Variants in INSIG2 observed in about 807,000 individuals in gnomAD.
The protein encoded by INSIG2 is insulin-induced gene 2 protein.
In INSIG2, 10 loss-of-function variants were observed where a neutral mutation model predicts 27.2. That is an observed-to-expected ratio of 0.37 (90% CI 0.23 to 0.62). INSIG2 has a LOEUF of 0.62. Among genes scored for constraint, INSIG2 ranks in the 20% least tolerant of loss-of-function variants. The pLI is 0.65. For synonymous variants in INSIG2, 97 were observed against 95.8 expected, an observed-to-expected ratio of 1.01 and a Z score of -0.07; for missense variants, 178 against 270.2, an observed-to-expected ratio of 0.66 and a Z score of 2.39.
At chr2:118,107,008 AGAGTAGTTTAT>A in intron 4 of INSIG2, 71 bp from the exon 5 acceptor site, 1 of 1,462,600 alleles carries the variant, frequency 6.8e-7, no homozygotes, top group Non-Finnish European at 9.5e-7. Flanking sequence ...TTTAATCTAC[AGAGTAGTTTAT>A]TTTCATTGTA....
In INSIG2 at chr2:118,110,940, G is replaced by C. The variant is rs1048481130; in HGVS notation, c.*2618G>C. The stretch of plus-strand genomic sequence containing the variant: ...ATGATGCATATGTTTCATACATCTT[G>C]TATTTTCCAGGTAGAAGTCAGACTT... On this transcript the variant is annotated 3_prime_UTR_variant, in exon 6 of 6. Transcript: ENST00000245787. 6.6e-6 allele frequency: 1 copy of C among 152,142 alleles called. No homozygotes were observed. The highest frequency in any genetic ancestry group is 1.5e-5 in the Non-Finnish European group (1 of 68,018). The allele number at this position is 152,142 out of a possible 1,614,324, so 9.4% of individuals were successfully genotyped here.
chr2:118,095,218 G>C (rs1264773317), intron 1 of INSIG2, among the ~76,000 whole-genome samples: 1 of 152,194 alleles, frequency 6.6e-6, no homozygotes, highest in African/African-American at 2.4e-5. Flanking sequence ...AAGTGCCAAA[G>C]ATATATTGTT....
In INSIG2 at chr2:118,088,509, G is replaced by C. The variant is rs1332870763; in HGVS notation, c.-171G>C. The C allele has an allele frequency of 6.5e-6, 1 of 152,820 alleles. No individual in the cohort carries two copies. The highest frequency in any genetic ancestry group is 1.5e-5 in the Non-Finnish European group (1 of 68,506). The allele number at this position is 152,820 out of a possible 1,614,324, so 9.5% of individuals were successfully genotyped here. ...AGGAGGAAGAGGCGGTAGGGGGTACGGGGGCTGGTCCCAGAAGATGGCGGA... is the reference window on the plus strand; with the variant it reads ...AGGAGGAAGAGGCGGTAGGGGGTACCGGGGCTGGTCCCAGAAGATGGCGGA... On this transcript the variant is annotated 5_prime_UTR_variant, in exon 1 of 6. Transcript: ENST00000245787.
At chr2:118,102,550 T>C (rs1170064734) in intron 2 of INSIG2, 1 of 152,358 alleles carries the variant, frequency 6.6e-6, no homozygotes, top group African/African-American at 2.4e-5. Context: ...AGATTTCTGT[T>C]GTGAGTTTTC....
chr2:118,100,358 ATCTTAC>A (rs1425338202), intron 2 of INSIG2, among the ~76,000 whole-genome samples: 2 of 134,830 alleles, frequency 1.5e-5, no homozygotes, highest in Non-Finnish European at 3.1e-5. Context: ...TTGGAATCGT[ATCTTAC>A]TCTTTTGCCT....
intron 2 of INSIG2, 48 bp from the exon 3 acceptor site, chr2:118,103,149 C>G (rs1228482835): frequency 1.9e-6 from 3 of 1,552,618 alleles, no homozygotes; most frequent in Admixed American, 1.7e-5. Flanking sequence ...TTAAGTGTTG[C>G]CAGTACAACA....
intron 2 of INSIG2, among the ~76,000 whole-genome samples, chr2:118,099,338 A>C (rs2161829): frequency 6.6e-6 from 1 of 151,950 alleles, no homozygotes; most frequent in Non-Finnish European, 1.5e-5. Flanking sequence ...TGTGTGTAGA[A>C]AGTGCTCCTT....
intron 3 of INSIG2, among the ~76,000 whole-genome samples, chr2:118,104,766 G>C (rs1305453102): frequency 2.0e-5 from 3 of 152,192 alleles, no homozygotes; most frequent in African/African-American, 7.2e-5. Flanking sequence ...AACTGTGTCA[G>C]TTCCTCTCTG....
At chr2:118,107,621 GACATTC>G (rs1252335792) in intron 5 of INSIG2, among the ~76,000 whole-genome samples, 2 of 152,186 alleles carry the variant, frequency 1.3e-5, no homozygotes, top group Non-Finnish European at 2.9e-5. Flanking sequence ...GCTAGGGAGT[GACATTC>G]AGAGGCCACA....
At chr2:118,100,373 CTTTTTTT>C (rs70949913) in intron 2 of INSIG2, among the ~76,000 whole-genome samples, 1 of 81,502 alleles carries the variant, frequency 1.2e-5, no homozygotes, top group Non-Finnish European at 2.1e-5. Context: ...ACTCTTTTGC[CTTTTTTT>C]TTTTTTTTTT....
chr2:118,103,380 G>T (rs1256077845), intron 3 of INSIG2, 59 bp downstream of exon 3: 1 of 1,480,840 alleles, frequency 6.8e-7, no homozygotes, highest in Non-Finnish European at 9.3e-7. Context: ...CAAACCAAAG[G>T]TTAAACAGCC....
intron 1 of INSIG2, among the ~76,000 whole-genome samples, chr2:118,089,564 T>G (rs1308128413): frequency 6.6e-6 from 1 of 152,122 alleles, no homozygotes; most frequent in Non-Finnish European, 1.5e-5. Flanking sequence ...ATGCTACTAA[T>G]GGGGGCCCCA....
At chr2:118,105,460 C>A (rs924020907) in intron 3 of INSIG2, among the ~76,000 whole-genome samples, 2 of 152,188 alleles carry the variant, frequency 1.3e-5, no homozygotes, top group Non-Finnish European at 2.9e-5. Flanking sequence ...AAATTCCACT[C>A]TTTACATGAG....
intron 1 of INSIG2, among the ~76,000 whole-genome samples, chr2:118,089,368 C>T (rs139861561): frequency 6.6e-5 from 10 of 152,134 alleles, no homozygotes; most frequent in African/African-American, 1.7e-4. Context: ...AATGGTTAGG[C>T]TTGGCAGCTG....
chr2:118,095,696 C>G (rs948738745), intron 1 of INSIG2, among the ~76,000 whole-genome samples: 2 of 152,222 alleles, frequency 1.3e-5, no homozygotes, highest in Non-Finnish European at 2.9e-5. Context: ...ATTTTCTTCA[C>G]TTCCTTTCTT....
At chr2:118,100,078 G>A (rs1203686159) in intron 2 of INSIG2, among the ~76,000 whole-genome samples, 1 of 152,068 alleles carries the variant, frequency 6.6e-6, no homozygotes, top group Non-Finnish European at 1.5e-5. Flanking sequence ...CTCCCTTTGT[G>A]TCTGAAGCTT....
intron 2 of INSIG2, among the ~76,000 whole-genome samples, chr2:118,101,799 C>T (rs1013193136): frequency 1.3e-5 from 2 of 152,176 alleles, no homozygotes; most frequent in South Asian, 4.1e-4. Flanking sequence ...TATTGGAGCT[C>T]TGCATTGCCG....
At position 118,093,591 on chromosome 2, in the gene INSIG2, T is replaced by TGAG. The variant is rs752140968; in HGVS notation, c.-138-2806_-138-2804dup. Among the ~76,000 whole-genome samples, 182 of 4,966 alleles carry TGAG rather than the reference T, an allele frequency of 0.037. 42 individuals are homozygous for TGAG. The East Asian group carries it at 0.4, about 11-fold the overall frequency. The allele number at this position is 4,966 out of a possible 152,430, so 3.3% of individuals were successfully genotyped here. A position where few individuals can be genotyped will look rare whatever the true frequency, so the allele number is the denominator to read the frequency against. On this transcript the variant is annotated intron_variant, in intron 1 of 5. Transcript: ENST00000245787. ...GAAAGCAACCAGATGATGATGATGA[T>TGAG]GAGGAGGAGGAGGAGGAGGAGGAGA... is the stretch of plus-strand genomic sequence containing the variant.
At chr2:118,100,183 C>T (rs569246851) in intron 2 of INSIG2, among the ~76,000 whole-genome samples, 1 of 150,978 alleles carries the variant, frequency 6.6e-6, no homozygotes, top group South Asian at 2.1e-4. Context: ...CCATTTACTG[C>T]TGAATGCTCC....
Sources: gnomAD v4.1 joint callset for allele counts (sites outside exome capture counted in the v4.1 genomes callset) on GRCh38, gnomAD v4.1.1 for gene constraint, MANE v1.5 for transcripts, NCBI Gene and HGNC (gene_info 2026-07-23, HGNC 2026-07-21) for gene names.